CHRM2: variants seen among roughly 807,000 people sequenced by gnomAD.
The protein encoded by CHRM2 is cholinergic receptor muscarinic 2.
A neutral mutation model predicts 25.0 loss-of-function variants in CHRM2; 8 were observed. That is an observed-to-expected ratio of 0.32 (90% confidence interval 0.19 to 0.58). The LOEUF (loss-of-function observed/expected upper bound fraction) is 0.58. CHRM2 is among the 20% of genes least tolerant of loss of function. The pLI is 0.88. For synonymous variants in CHRM2, 202 were observed against 205.7 expected, an observed-to-expected ratio of 0.98 and a Z score of 0.15; for missense variants, 440 against 567.1, an observed-to-expected ratio of 0.78 and a Z score of 2.28.
At chr7:136,967,313 C>A (rs1247074254) in intron 2 of CHRM2, among the ~76,000 whole-genome samples, 2 of 151,882 alleles carry the variant, frequency 1.3e-5, no homozygotes, top group Non-Finnish European at 2.9e-5. Flanking sequence ...AAGGGCTTAT[C>A]AATTAGCATT....
chr7:136,957,976 A>G (rs1800822680), intron 2 of CHRM2, among the ~76,000 whole-genome samples: 1 of 152,242 alleles, frequency 6.6e-6, no homozygotes, highest in Non-Finnish European at 1.5e-5. Flanking sequence ...CCATTTGATC[A>G]TCTGATTTTG....
intron 2 of CHRM2, among the ~76,000 whole-genome samples, chr7:136,943,772 G>C (rs918729650): frequency 1.6e-4 from 24 of 152,022 alleles, no homozygotes; most frequent in African/African-American, 5.5e-4. Flanking sequence ...AGATTGAGAT[G>C]GTCCATAGCT....
At chr7:136,941,840 T>C (rs1799791230) in intron 2 of CHRM2, among the ~76,000 whole-genome samples, 1 of 152,130 alleles carries the variant, frequency 6.6e-6, no homozygotes, top group East Asian at 1.9e-4. Flanking sequence ...ATCTTCATGG[T>C]TGATAGTTTA....
intron 2 of CHRM2, among the ~76,000 whole-genome samples, chr7:136,877,677 T>A (rs1796100539): frequency 1.3e-5 from 2 of 152,044 alleles, no homozygotes; most frequent in South Asian, 4.1e-4. Flanking sequence ...CAAAATGTTG[T>A]TGCATTCTGA....
In CHRM2 at chr7:137,019,424, T is replaced by C. The variant is rs1469795142; in HGVS notation, c.*3158T>C. 1 of 151,886 alleles carries C rather than the reference T, an allele frequency of 6.6e-6. No individual in the cohort carries two copies. Among genetic ancestry groups the C allele is most frequent in the Non-Finnish European group, 1.5e-5 (1 of 67,896 alleles). The allele number at this position is 151,886 out of a possible 1,614,324, so 9.4% of individuals were successfully genotyped here. A position where few individuals can be genotyped will look rare whatever the true frequency, so the allele number is the denominator to read the frequency against. Reference sequence around the variant, plus strand: ...ATCTAGTCAATTGAGGTTGCAGTAGTTGGCCATCAAAATATTTGCAGTTGA... The same window carrying C: ...ATCTAGTCAATTGAGGTTGCAGTAGCTGGCCATCAAAATATTTGCAGTTGA... On this transcript the variant is annotated 3_prime_UTR_variant, in exon 4 of 4. Coordinates refer to ENST00000680005, the MANE Select transcript of CHRM2 (RefSeq NM_001006630.2).
chr7:136,942,596 C>G (rs1236366003), intron 2 of CHRM2, among the ~76,000 whole-genome samples: 2 of 152,146 alleles, frequency 1.3e-5, no homozygotes, highest in East Asian at 3.9e-4. Context: ...ATTTTTAGTT[C>G]TCCTCTTGTC....
At chr7:136,969,204 A>T (rs1427677350) in intron 2 of CHRM2, among the ~76,000 whole-genome samples, 1 of 152,148 alleles carries the variant, frequency 6.6e-6, no homozygotes, top group Non-Finnish European at 1.5e-5. Flanking sequence ...AACATGGTGA[A>T]ATTCATATTG....
At chr7:136,909,400 C>T (rs939524461) in intron 2 of CHRM2, among the ~76,000 whole-genome samples, 2 of 151,900 alleles carry the variant, frequency 1.3e-5, no homozygotes, top group Non-Finnish European at 2.9e-5. Context: ...TATGCCAGGT[C>T]TAAGGCTGTT....
chr7:136,886,702 C>T (rs1563045341), intron 2 of CHRM2, among the ~76,000 whole-genome samples: 1 of 151,452 alleles, frequency 6.6e-6, no homozygotes, highest in Non-Finnish European at 1.5e-5. Context: ...CTCTTCTCTA[C>T]AAAAAATACA....
chr7:136,985,157 T>C (rs1802763311), intron 2 of CHRM2, among the ~76,000 whole-genome samples: 1 of 152,166 alleles, frequency 6.6e-6, no homozygotes, highest in African/African-American at 2.4e-5. Flanking sequence ...GCTGCACATG[T>C]GAGCACATAT....
intron 2 of CHRM2, among the ~76,000 whole-genome samples, chr7:136,912,731 T>C (rs758688797): frequency 1.3e-5 from 2 of 151,956 alleles, no homozygotes; most frequent in Non-Finnish European, 2.9e-5. Flanking sequence ...ATCCTATAGA[T>C]ATTAATTACA....
At chr7:136,895,448 A>G (rs1796855932) in intron 2 of CHRM2, among the ~76,000 whole-genome samples, 7 of 152,216 alleles carry the variant, frequency 4.6e-5, no homozygotes, top group Admixed American at 4.6e-4. Flanking sequence ...TTAGCCCAGA[A>G]GTTATATTTA....
chr7:136,952,619 C>CA (rs1475387127), intron 2 of CHRM2, among the ~76,000 whole-genome samples: 1 of 151,842 alleles, frequency 6.6e-6, no homozygotes, highest in African/African-American at 2.4e-5. Flanking sequence ...AGGTTTTTTG[C>CA]ATAGATAAAC....
chr7:136,935,401 T>G (rs1799355200), intron 2 of CHRM2, among the ~76,000 whole-genome samples: 1 of 152,090 alleles, frequency 6.6e-6, no homozygotes, highest in Admixed American at 6.5e-5. Context: ...AACAGTAGAT[T>G]AGACGATCGT....
At chr7:136,871,821 A>T (rs938044333) in intron 2 of CHRM2, 1 of 152,200 alleles carries the variant, frequency 6.6e-6, no homozygotes, top group Non-Finnish European at 1.5e-5. Context: ...GAATGGAAGA[A>T]TTTTGTGCCA....
At chr7:137,001,034 C>G (rs1402620263) in intron 3 of CHRM2, among the ~76,000 whole-genome samples, 1 of 152,134 alleles carries the variant, frequency 6.6e-6, no homozygotes, top group African/African-American at 2.4e-5. Flanking sequence ...CACATATAGA[C>G]AGAAATTAAA....
intron 3 of CHRM2, among the ~76,000 whole-genome samples, chr7:137,005,906 T>G (rs1485147220): frequency 6.6e-6 from 1 of 152,134 alleles, no homozygotes; most frequent in African/African-American, 2.4e-5. Flanking sequence ...AATTTCCAGT[T>G]TCTCAAGACG....
intron 2 of CHRM2, among the ~76,000 whole-genome samples, chr7:136,908,331 CTACTGTGCAATACCACCTCAA>C (rs923718338): frequency 6.6e-6 from 1 of 151,936 alleles, no homozygotes; most frequent in Non-Finnish European, 1.5e-5. Context: ...TTATTCTTAA[CTACTGTGCAATACCACCTCAA>C]TACTTTAGCA....
At chr7:136,926,979 C>G (rs1014916837) in intron 2 of CHRM2, among the ~76,000 whole-genome samples, 3 of 152,194 alleles carry the variant, frequency 2.0e-5, no homozygotes, top group African/African-American at 4.8e-5. Flanking sequence ...TACACATTTT[C>G]TATTTGCCTT....
Sources: gnomAD v4.1 joint callset for allele counts (sites outside exome capture counted in the v4.1 genomes callset) on GRCh38, gnomAD v4.1.1 for gene constraint, MANE v1.5 for transcripts, NCBI Gene and HGNC (gene_info 2026-07-23, HGNC 2026-07-21) for gene names.